The following ASAP1 variants were observed in gnomAD, a reference collection of about 807,000 sequenced individuals.
The protein encoded by ASAP1 is ArfGAP with SH3 domain, ankyrin repeat and PH domain 1, also known as arf-GAP with SH3 domain, ANK repeat and PH domain-containing protein 1.
Under a neutral mutation model 145.2 loss-of-function variants are expected in ASAP1, and 43 were observed. The observed-to-expected ratio is 0.30, with a 90% CI of 0.23 to 0.38. The LOEUF is 0.38. Among genes scored for constraint, ASAP1 ranks in the 10% least tolerant of loss-of-function variants. The pLI is 1.00. For synonymous variants in ASAP1, 546 were observed against 515.5 expected, an observed-to-expected ratio of 1.06 and a Z score of -0.80; for missense variants, 1,018 against 1,355.3, an observed-to-expected ratio of 0.75 and a Z score of 3.91.
At chr8:130,213,363 A>G (rs1816701851) in intron 5 of ASAP1, among the ~76,000 whole-genome samples, 1 of 152,254 alleles carries the variant, frequency 6.6e-6, no homozygotes, top group African/African-American at 2.4e-5. Context: ...ATTTATTGTG[A>G]CAGAGAAAAA....
chr8:130,382,480 A>G lies in ASAP1; in HGVS notation c.59+19405T>C, dbSNP rs186683515. On this transcript the variant is annotated intron_variant, in intron 2 of 29. Coordinates refer to ENST00000518721, the MANE Select transcript of ASAP1 (RefSeq NM_018482.4). ...TGCTCTGATAAAGGAGAAGCAGAACAGGGAGGAAGGACCAAACTCACTCTG... is the reference window on the plus strand; with the variant it reads ...TGCTCTGATAAAGGAGAAGCAGAACGGGGAGGAAGGACCAAACTCACTCTG... Among the ~76,000 whole-genome samples the G allele has an allele frequency of 5.6e-3, 857 of 152,348 alleles. 12 individuals are homozygous for G. The highest frequency in any genetic ancestry group is 8.8e-3 in the Non-Finnish European group (600 of 68,036).
chr8:130,201,600 T>C (rs1207251215), intron 5 of ASAP1, among the ~76,000 whole-genome samples: 1 of 152,146 alleles, frequency 6.6e-6, no homozygotes, highest in Non-Finnish European at 1.5e-5. Context: ...TTGACGATAA[T>C]TATATGGAAA....
chr8:130,440,651 C>T (rs1002545527), intron 1 of ASAP1, among the ~76,000 whole-genome samples: 3 of 152,138 alleles, frequency 2.0e-5, no homozygotes, highest in East Asian at 1.9e-4. Context: ...CAAACCTCAC[C>T]TTGCGCCATT....
At chr8:130,059,473 A>G (rs1165028196) in intron 28 of ASAP1, among the ~76,000 whole-genome samples, 1 of 151,288 alleles carries the variant, frequency 6.6e-6, no homozygotes, top group Non-Finnish European at 1.5e-5. Flanking sequence ...CCCCATTTTA[A>G]TTTTTTTGAG....
At chr8:130,433,873 A>G (rs888532772) in intron 1 of ASAP1, among the ~76,000 whole-genome samples, 3 of 152,258 alleles carry the variant, frequency 2.0e-5, no homozygotes, top group Non-Finnish European at 4.4e-5. Context: ...ACTAAAGCTT[A>G]GGCAGGCTAA....
At chr8:130,385,563 G>GTT (rs747014943) in intron 2 of ASAP1, among the ~76,000 whole-genome samples, 4 of 152,230 alleles carry the variant, frequency 2.6e-5, no homozygotes, top group Non-Finnish European at 2.9e-5. Flanking sequence ...ACATGGGGAT[G>GTT]TTTTCTCAGT....
chr8:130,298,209 G>C (rs963403628), intron 3 of ASAP1, among the ~76,000 whole-genome samples: 1 of 152,190 alleles, frequency 6.6e-6, no homozygotes, highest in Non-Finnish European at 1.5e-5. Context: ...GGAGCCAAGG[G>C]AAGCATGAGA....
chr8:130,096,962 C>T (rs1393488383), intron 24 of ASAP1, among the ~76,000 whole-genome samples: 2 of 151,470 alleles, frequency 1.3e-5, no homozygotes, highest in Non-Finnish European at 1.5e-5. Flanking sequence ...CCTGTCTCCA[C>T]TAAAAAATAC....
chr8:130,409,210 C>G (rs563806629), intron 1 of ASAP1, among the ~76,000 whole-genome samples: 4 of 151,562 alleles, frequency 2.6e-5, no homozygotes, highest in African/African-American at 4.8e-5. Flanking sequence ...TGTAGTGAGC[C>G]GAGATTGCGC....
chr8:130,422,240 G>T (rs1486511513), intron 1 of ASAP1, among the ~76,000 whole-genome samples: 1 of 152,146 alleles, frequency 6.6e-6, no homozygotes, highest in African/African-American at 2.4e-5. Context: ...TGGAGGAAGG[G>T]GAGGAAAGGG....
At chr8:130,138,379 T>C (rs993733313) in intron 13 of ASAP1, among the ~76,000 whole-genome samples, 1 of 152,166 alleles carries the variant, frequency 6.6e-6, no homozygotes, top group Admixed American at 6.6e-5. Context: ...GGGGATTCCA[T>C]GTTCAATGCA....
At chr8:130,188,723 C>CAAAAAAAAAAA (rs370580190) in intron 5 of ASAP1, among the ~76,000 whole-genome samples, 136 of 83,752 alleles carry the variant, frequency 1.6e-3, no homozygotes, top group African/African-American at 2.4e-3. Context: ...GAGACTCTCT[C>CAAAAAAAAAAA]AAAAAAAAAA....
At chr8:130,281,848 C>T (rs1367707711) in intron 3 of ASAP1, among the ~76,000 whole-genome samples, 3 of 152,106 alleles carry the variant, frequency 2.0e-5, no homozygotes, top group Non-Finnish European at 4.4e-5. Flanking sequence ...AGGCAGATCA[C>T]GAGGTCAGGA....
intron 13 of ASAP1, among the ~76,000 whole-genome samples, chr8:130,150,734 G>C (rs1017944759): frequency 2.0e-5 from 3 of 152,144 alleles, no homozygotes; most frequent in Non-Finnish European, 4.4e-5. Context: ...ACCAAAATTA[G>C]CTGGGCGTGG....
At chr8:130,414,905 C>T (rs754780323) in intron 1 of ASAP1, among the ~76,000 whole-genome samples, 2 of 152,232 alleles carry the variant, frequency 1.3e-5, no homozygotes, top group Middle Eastern at 3.4e-3. Context: ...TATGGGCATA[C>T]GCCACCACAG....
chr8:130,376,858 G>A (rs149492397), intron 2 of ASAP1, among the ~76,000 whole-genome samples: 2,612 of 126,386 alleles, frequency 0.021, 75 homozygotes, highest in African/African-American at 0.072. Flanking sequence ...AGATGAGATC[G>A]CACCATTGCA....
intron 2 of ASAP1, among the ~76,000 whole-genome samples, chr8:130,369,471 C>T (rs1827111936): frequency 6.6e-6 from 1 of 152,156 alleles, no homozygotes; most frequent in African/African-American, 2.4e-5. Flanking sequence ...GAATGCTCAA[C>T]TTGTATTTGA....
chr8:130,380,911 G>T (rs1020170053), intron 2 of ASAP1, among the ~76,000 whole-genome samples: 1 of 151,920 alleles, frequency 6.6e-6, no homozygotes, highest in Non-Finnish European at 1.5e-5. Context: ...TTGAGACAGG[G>T]TCTCTCTCTC....
At chr8:130,195,443 A>G (rs1182875423) in intron 5 of ASAP1, 1 of 151,452 alleles carries the variant, frequency 6.6e-6, no homozygotes, top group African/African-American at 2.4e-5. Flanking sequence ...AGTTTCAGCT[A>G]CTCAGGAGGC....
Sources: gnomAD v4.1 joint callset for allele counts (sites outside exome capture counted in the v4.1 genomes callset) on GRCh38, gnomAD v4.1.1 for gene constraint, MANE v1.5 for transcripts, NCBI Gene and HGNC (gene_info 2026-07-23, HGNC 2026-07-21) for gene names.